Variants in EEFSEC observed in about 807,000 individuals in gnomAD.
The protein encoded by EEFSEC is eukaryotic elongation factor, selenocysteine-tRNA specific, also known as selenocysteine-specific elongation factor.
A neutral mutation model predicts 42.1 loss-of-function variants in EEFSEC; 43 were observed. The observed-to-expected ratio is 1.02, with a 90% CI of 0.80 to 1.32. The LOEUF (loss-of-function observed/expected upper bound fraction) is 1.32, where lower values mean the gene tolerates loss of function less well. Among genes scored for constraint, EEFSEC ranks in the 40% most tolerant of loss-of-function variants. The pLI, the probability that EEFSEC is intolerant of heterozygous loss-of-function variation, is 0.00. For missense variants in EEFSEC, 745 were observed against 803.6 expected, an observed-to-expected ratio of 0.93 and a Z score of 0.88; for synonymous variants, 354 against 339.1, an observed-to-expected ratio of 1.04 and a Z score of -0.48.
At chr3:128,229,475 G>A (rs1046347384) in intron 1 of EEFSEC, among the ~76,000 whole-genome samples, 1 of 152,198 alleles carries the variant, frequency 6.6e-6, no homozygotes, top group African/African-American at 2.4e-5. Context: ...TCTCATGGGA[G>A]AAAGAAGGAG....
chr3:128,273,621 A>G (rs1247101827), intron 4 of EEFSEC, among the ~76,000 whole-genome samples: 1 of 152,222 alleles, frequency 6.6e-6, no homozygotes, highest in Non-Finnish European at 1.5e-5. Context: ...CCTGACCTGC[A>G]GTCAGCTGTC....
intron 1 of EEFSEC, among the ~76,000 whole-genome samples, chr3:128,189,666 T>G (rs1379205442): frequency 1.3e-5 from 2 of 150,988 alleles, no homozygotes; most frequent in Non-Finnish European, 2.9e-5. Context: ...CAAGCGATCC[T>G]CCCACCTCAG....
At chr3:128,177,649 C>G (rs1001332516) in intron 1 of EEFSEC, among the ~76,000 whole-genome samples, 6 of 152,108 alleles carry the variant, frequency 3.9e-5, no homozygotes, top group Non-Finnish European at 8.8e-5. Flanking sequence ...GTAAAGAACT[C>G]CATTTGAGGA....
downstream of EEFSEC, among the ~76,000 whole-genome samples, chr3:128,413,177 C>T (rs896324621): frequency 1.7e-4 from 26 of 152,104 alleles, no homozygotes; most frequent in Non-Finnish European, 2.9e-4. Context: ...GGGGACAGTC[C>T]GAGCTGAGGC....
chr3:128,332,530 C>T (rs1216626077), intron 4 of EEFSEC, among the ~76,000 whole-genome samples: 2 of 152,216 alleles, frequency 1.3e-5, no homozygotes, highest in African/African-American at 2.4e-5. Context: ...CGGGTCACTG[C>T]AACCTCCACC....
At chr3:128,257,268 T>C (rs2066250755) in intron 2 of EEFSEC, among the ~76,000 whole-genome samples, 1 of 152,240 alleles carries the variant, frequency 6.6e-6, no homozygotes, top group African/African-American at 2.4e-5. Flanking sequence ...TCTAGTAAGA[T>C]TTCCCAGAGA....
rs558852571 is a variant in EEFSEC at position 128,232,597 on chromosome 3, A to G, written c.317-14239A>G. ...GAAGGGGACTGAGGCGGGAGAGAAC[A>G]GAAACTGTACATTTTAAGGAAGCCT... On this transcript the variant is annotated intron_variant, in intron 1 of 6. Coordinates refer to ENST00000254730, the MANE Select transcript of EEFSEC (RefSeq NM_021937.5). 2.0e-5 allele frequency among the ~76,000 whole-genome samples: 3 copies of G among 152,382 alleles called. No individual in the cohort carries two copies. In the South Asian group the frequency reaches 6.2e-4, roughly 32 times the overall value.
chr3:128,314,298 T>C (rs1184867199), intron 4 of EEFSEC, among the ~76,000 whole-genome samples: 2 of 152,176 alleles, frequency 1.3e-5, no homozygotes, highest in Admixed American at 1.3e-4. Context: ...TGGTGCAGGA[T>C]TTCTGAAGCT....
At chr3:128,397,750 A>C (rs2067998628) in intron 6 of EEFSEC, among the ~76,000 whole-genome samples, 2 of 152,234 alleles carry the variant, frequency 1.3e-5, no homozygotes, top group South Asian at 4.1e-4. Context: ...TGCATGTCTT[A>C]TTCTCTCTGG....
chr3:128,275,917 T>C (rs1023247473), intron 4 of EEFSEC, among the ~76,000 whole-genome samples: 2 of 152,180 alleles, frequency 1.3e-5, no homozygotes, highest in African/African-American at 4.8e-5. Context: ...AGGCCACGCC[T>C]TGTGATGGGG....
Position 128,178,919 on chromosome 3 carries a change from AT to A in EEFSEC, c.316+25100del. 2.0e-5 allele frequency among the ~76,000 whole-genome samples: 3 copies of A among 152,332 alleles called. No homozygotes were observed. In the East Asian group the frequency reaches 5.8e-4, roughly 29 times the overall value. The stretch of plus-strand genomic sequence containing the variant: ...TTGGTTTGAAAAGATTCAATCAAGT[AT>A]TTTGATTATGATGACTAGTGCCTGT... On this transcript the variant is annotated intron_variant, in intron 1 of 6. Transcript: ENST00000254730.
intron 1 of EEFSEC, among the ~76,000 whole-genome samples, chr3:128,230,565 A>G (rs2065950393): frequency 6.6e-6 from 1 of 152,156 alleles, no homozygotes; most frequent in Non-Finnish European, 1.5e-5. Context: ...GCTCAAGAGC[A>G]CTCATAATGA....
the EEFSEC span, among the ~76,000 whole-genome samples, chr3:128,425,723 CCCTCCTG>C: frequency 6.6e-5 from 10 of 152,330 alleles, no homozygotes; most frequent in Admixed American, 5.2e-4. Context: ...CCCTCCTGGG[CCCTCCTG>C]TCCTGTGGGC....
chr3:128,166,379 A>T (rs542948109), intron 1 of EEFSEC, among the ~76,000 whole-genome samples: 1 of 152,354 alleles, frequency 6.6e-6, no homozygotes, highest in South Asian at 2.1e-4. Flanking sequence ...GGCAGCCACG[A>T]GCCTCATGGC....
intron 1 of EEFSEC, among the ~76,000 whole-genome samples, chr3:128,232,602 CTG>C (rs1262869217): frequency 5.9e-5 from 9 of 152,166 alleles, no homozygotes; most frequent in Non-Finnish European, 4.4e-5. Context: ...AGAACAGAAA[CTG>C]TACATTTTAA....
At chr3:128,316,637 C>T (rs1327039954) in intron 4 of EEFSEC, among the ~76,000 whole-genome samples, 4 of 152,182 alleles carry the variant, frequency 2.6e-5, no homozygotes, top group Non-Finnish European at 1.5e-5. Context: ...GATCTGGCGA[C>T]CAAGGGCACG....
At chr3:128,326,262 C>T (rs1392308582) in intron 4 of EEFSEC, among the ~76,000 whole-genome samples, 3 of 152,374 alleles carry the variant, frequency 2.0e-5, no homozygotes, top group African/African-American at 7.2e-5. Context: ...GTGGTGCCCT[C>T]CTGCTCTCTG....
At chr3:128,259,678 C>T (rs929889324) in intron 2 of EEFSEC, among the ~76,000 whole-genome samples, 1 of 152,170 alleles carries the variant, frequency 6.6e-6, no homozygotes, top group Non-Finnish European at 1.5e-5. Context: ...AGCCTGGGAA[C>T]TACTAATCTC....
chr3:128,385,634 C>G (rs2067829715), intron 6 of EEFSEC, among the ~76,000 whole-genome samples: 1 of 152,218 alleles, frequency 6.6e-6, no homozygotes, highest in African/African-American at 2.4e-5. Flanking sequence ...CACGTGCTGA[C>G]TGTTTTATAT....
Sources: gnomAD v4.1 joint callset for allele counts (sites outside exome capture counted in the v4.1 genomes callset) on GRCh38, gnomAD v4.1.1 for gene constraint, MANE v1.5 for transcripts, NCBI Gene and HGNC (gene_info 2026-07-23, HGNC 2026-07-21) for gene names.